The following PRKD2 variants were observed in gnomAD, a reference collection of about 807,000 sequenced individuals.
PRKD2 encodes protein kinase D2, also known as serine/threonine-protein kinase D2.
Under a neutral mutation model 86.0 loss-of-function variants are expected in PRKD2, and 22 were observed. The observed-to-expected ratio is 0.26, with a 90% CI of 0.18 to 0.37. PRKD2 has a LOEUF of 0.37. Ranked by LOEUF, PRKD2 falls within the 10% of genes least tolerant of loss-of-function variation. The pLI is 1.00. For missense variants in PRKD2, 818 were observed against 1,199.2 expected, an observed-to-expected ratio of 0.68 and a Z score of 4.70; for synonymous variants, 509 against 510.9, an observed-to-expected ratio of 1.00 and a Z score of 0.05.
rs2053876896 is a variant in PRKD2, at chr19:46,716,025, C to T, written c.240+106G>A. The stretch of plus-strand genomic sequence containing the variant: ...CCCTATCCCTCCATCACCCAAAGCT[C>T]AGGTCTCCTTCCTCCCTCTTCCGCA... On this transcript the variant is annotated intron_variant, in intron 1 of 17. Coordinates refer to ENST00000291281, the MANE Select transcript of PRKD2 (RefSeq NM_016457.5). The surrounding 1 kb of genome is among the most constrained non-coding windows in gnomAD (Gnocchi z 7.9). 1.1e-5 allele frequency: 16 copies of T among 1,477,188 alleles called. No individual in the cohort carries two copies. The highest frequency in any genetic ancestry group is 1.4e-5 in the Non-Finnish European group (16 of 1,110,534). 91.5% of individuals were successfully genotyped at this position (1,477,188 alleles called of 1,614,324 possible). A position where few individuals can be genotyped will look rare whatever the true frequency, so the allele number is the denominator to read the frequency against.
rs1411689050 is a variant in PRKD2, at chr19:46,693,591, C to G, written c.1576+284G>C. 6.6e-6 allele frequency among the ~76,000 whole-genome samples: 1 copy of G among 152,110 alleles called. No individual in the cohort carries two copies. The highest frequency in any genetic ancestry group is 2.4e-5 in the African/African-American group (1 of 41,412). ...ACCTGGAACTACAGGTGTGCACCAC[C>G]ACACCTGGCTAATTGTTTTTATTTT... On this transcript the variant is annotated intron_variant, in intron 10 of 17. Transcript: ENST00000291281. The surrounding 1 kb of genome is among the most constrained non-coding windows in gnomAD (Gnocchi z 4.5).
At chr19:46,683,325 C>G (rs2053341138) in intron 14 of PRKD2, among the ~76,000 whole-genome samples, 2 of 151,668 alleles carry the variant, frequency 1.3e-5, no homozygotes, top group Admixed American at 1.3e-4. Context: ...GAACTCCTGA[C>G]CTCGTGATCC....
chr19:46,713,146 G>A (rs1230856284), intron 2 of PRKD2, among the ~76,000 whole-genome samples: 3 of 147,108 alleles, frequency 2.0e-5, no homozygotes, highest in African/African-American at 7.6e-5. Flanking sequence ...AGCCTCCCAA[G>A]TAGCTGAGAC....
At chr19:46,680,949 T>A (rs867432973) in intron 15 of PRKD2, among the ~76,000 whole-genome samples, 1,372 of 102,028 alleles carry the variant, frequency 0.013, 24 homozygotes, top group Admixed American at 0.026. Flanking sequence ...TATATATATT[T>A]TTTTTTTTTT....
intron 14 of PRKD2, among the ~76,000 whole-genome samples, chr19:46,682,767 G>A (rs2053327862): frequency 6.7e-6 from 1 of 149,172 alleles, no homozygotes; most frequent in African/African-American, 2.5e-5. Context: ...GCACAGAGGC[G>A]GGATCACAGC....
chr19:46,707,923 C>T (rs2053738666), intron 3 of PRKD2, among the ~76,000 whole-genome samples: 1 of 152,028 alleles, frequency 6.6e-6, no homozygotes, highest in African/African-American at 2.4e-5. Flanking sequence ...GTGGTGAAAC[C>T]CCGTCTCTAC....
chr19:46,687,796 A>C (rs2053422872), intron 14 of PRKD2, among the ~76,000 whole-genome samples: 1 of 152,232 alleles, frequency 6.6e-6, no homozygotes, highest in South Asian at 2.1e-4. Flanking sequence ...GACCAAGCAC[A>C]GAGCAGGGAC....
intron 3 of PRKD2, among the ~76,000 whole-genome samples, chr19:46,709,654 C>T (rs2053773601): frequency 6.6e-6 from 1 of 151,400 alleles, no homozygotes; most frequent in African/African-American, 2.4e-5. Flanking sequence ...AGCCACCGCA[C>T]CCGGCCCAGT....
chr19:46,713,980 C>T lies in PRKD2; in HGVS notation c.262G>A (p.Gly88Ser). 1.2e-6 allele frequency: 2 copies of T among 1,613,504 alleles called. No homozygotes were observed. ...AAAAGCAGGATCTTGTCGTAAAGGCCGTAGAAGCCACACTCAGGGAACTGA... is the reference window on the plus strand; with the variant it reads ...AAAAGCAGGATCTTGTCGTAAAGGCTGTAGAAGCCACACTCAGGGAACTGA... The part of the protein sequence containing the change: ...DQKFPECGFY[G>S]LYDKILLFKH... Residue 88 changes from glycine (G) to serine (S), a missense_variant, in exon 2 of 18, where the codon GGC becomes AGC. By Grantham distance (56) the Gly-to-Ser change is moderately conservative (BLOSUM62 0). Coordinates refer to ENST00000291281, the MANE Select transcript of PRKD2 (RefSeq NM_016457.5).
chr19:46,687,508 T>C (rs1013465771), intron 14 of PRKD2, among the ~76,000 whole-genome samples: 2 of 152,212 alleles, frequency 1.3e-5, no homozygotes, highest in African/African-American at 4.8e-5. Flanking sequence ...ACCAGCTATG[T>C]GACCCTGGAC....
intron 8 of PRKD2, 145 bp downstream of exon 8, chr19:46,697,588 G>GC: frequency 1.4e-6 from 1 of 702,316 alleles, no homozygotes; most frequent in Non-Finnish European, 2.4e-6. Flanking sequence ...TCTAATTCTA[G>GC]CCCCGCCTCC....
At chr19:46,675,649 T>G (rs987646592) in intron 16 of PRKD2, among the ~76,000 whole-genome samples, 2 of 152,212 alleles carry the variant, frequency 1.3e-5, no homozygotes, top group Admixed American at 6.6e-5. Context: ...TTCACCATAT[T>G]GGCCAGGCTG....
At position 46,686,456 on chromosome 19, in the gene PRKD2, C is replaced by T. The variant is rs151303951; in HGVS notation, c.1971+3081G>A. On this transcript the variant is annotated intron_variant, in intron 14 of 17. Transcript: ENST00000291281. ...TTCAAGACCAGCCTGGGCAACATGG[C>T]GAGACCTTGTCTCTACAAAAACATT... 1.1e-3 allele frequency among the ~76,000 whole-genome samples: 160 copies of T among 141,856 alleles called. 2 individuals carry two copies. The East Asian group carries it at 0.03, about 26-fold the overall frequency. The allele number at this position is 141,856 out of a possible 152,430, so 93.1% of individuals were successfully genotyped here. A position where few individuals can be genotyped will look rare whatever the true frequency, so the allele number is the denominator to read the frequency against.
At chr19:46,705,252 C>T (rs374515534) in intron 3 of PRKD2, among the ~76,000 whole-genome samples, 2 of 152,234 alleles carry the variant, frequency 1.3e-5, no homozygotes, top group South Asian at 4.1e-4. Flanking sequence ...TTCTAGTCCT[C>T]CCCAAAACTC....
At chr19:46,680,946 A>ATATATATATTTTTTTTTTTT in intron 15 of PRKD2, among the ~76,000 whole-genome samples, 3 of 48,234 alleles carry the variant, frequency 6.2e-5, no homozygotes, top group South Asian at 1.1e-3. Context: ...ATATATATAT[A>ATATATATATTTTTTTTTTTT]TTTTTTTTTT....
At chr19:46,709,902 T>G (rs2053779299) in intron 3 of PRKD2, among the ~76,000 whole-genome samples, 1 of 152,126 alleles carries the variant, frequency 6.6e-6, no homozygotes, top group African/African-American at 2.4e-5. Context: ...ATTGTTTTGT[T>G]TTTGTTTCTG....
chr19:46,710,754 C>T (rs373596764), intron 3 of PRKD2, 153 bp downstream of exon 3: 5 of 900,292 alleles, frequency 5.6e-6, no homozygotes, highest in Non-Finnish European at 8.1e-6. Context: ...TGCTTCTGGG[C>T]CCATCCTTCT....
At chr19:46,711,534 A>T (rs2053809036) in intron 2 of PRKD2, among the ~76,000 whole-genome samples, 3 of 151,836 alleles carry the variant, frequency 2.0e-5, no homozygotes, top group Non-Finnish European at 4.4e-5. Context: ...CTGGGATTAC[A>T]GGCATGCGCC....
rs945632855 is a variant in PRKD2 at position 46,714,140 on chromosome 19, GC to G, written c.241-140del. 3 of 1,389,026 alleles carry G rather than the reference GC, an allele frequency of 2.2e-6. No individual in the cohort carries two copies. In the African/African-American group the frequency reaches 4.4e-5, roughly 20 times the overall value. The allele number at this position is 1,389,026 out of a possible 1,614,324, so 86.0% of individuals were successfully genotyped here. On this transcript the variant is annotated intron_variant, in intron 1 of 17. Coordinates refer to ENST00000291281, the MANE Select transcript of PRKD2 (RefSeq NM_016457.5). ...CCCCGCAGGCCCTCGCTTCCTGCCT[GC>G]CCCCTCCCAACCCCAGCGCGAGCCG...
Sources: gnomAD v4.1 joint callset for allele counts (sites outside exome capture counted in the v4.1 genomes callset) on GRCh38, gnomAD v4.1.1 for gene constraint, Gnocchi (gnomAD v3.1) non-coding constraint, MANE v1.5 for transcripts, NCBI Gene and HGNC (gene_info 2026-07-23, HGNC 2026-07-21) for gene names.